KALRN: variants seen among roughly 807,000 people sequenced by gnomAD.
KALRN encodes kalirin RhoGEF kinase.
A neutral mutation model predicts 353.7 loss-of-function variants in KALRN; 70 were observed. The ratio of observed to expected loss-of-function variants is 0.20; its 90% CI spans 0.16 to 0.24. KALRN has a LOEUF of 0.24. KALRN is among the 10% of genes least tolerant of loss of function. The pLI is 1.00. For missense variants in KALRN, 2,791 were observed against 3,756.7 expected, an observed-to-expected ratio of 0.74 and a Z score of 6.72; for synonymous variants, 1,391 against 1,434.8, an observed-to-expected ratio of 0.97 and a Z score of 0.69.
chr3:124,036,240 C>T (rs149982468), intron 1 of KALRN, among the ~76,000 whole-genome samples: 61 of 152,120 alleles, frequency 4.0e-4, no homozygotes, highest in African/African-American at 1.2e-3. Context: ...AAGTAGGCTC[C>T]GGTGTTTGTT....
chr3:124,457,195 G>T (rs1051334111), intron 23 of KALRN, among the ~76,000 whole-genome samples: 1 of 151,824 alleles, frequency 6.6e-6, no homozygotes, highest in Non-Finnish European at 1.5e-5. Flanking sequence ...TCAGCCTCCC[G>T]AGTAGCTGGG....
At chr3:124,184,526 A>G (rs2073985301) in intron 1 of KALRN, among the ~76,000 whole-genome samples, 1 of 152,120 alleles carries the variant, frequency 6.6e-6, no homozygotes, top group Admixed American at 6.5e-5. Context: ...AGCAATGCCT[A>G]CAACCTCTCC....
chr3:124,227,162 T>A (rs1176874628), intron 1 of KALRN, among the ~76,000 whole-genome samples: 1 of 152,174 alleles, frequency 6.6e-6, no homozygotes, highest in African/African-American at 2.4e-5. Context: ...TCCAGGCACA[T>A]CTTTAGTTTC....
chr3:124,254,736 G>A (rs1444551430), intron 3 of KALRN, among the ~76,000 whole-genome samples: 1 of 152,088 alleles, frequency 6.6e-6, no homozygotes, highest in Non-Finnish European at 1.5e-5. Context: ...CAGTAGTTTG[G>A]CTCTCATTGT....
In KALRN at chr3:124,658,414, T is replaced by G. The variant is rs766946269; in HGVS notation, c.6037-17T>G. On this transcript the variant is annotated splice_polypyrimidine_tract_variant and intron_variant, in intron 41 of 59. Transcript: ENST00000682506. ...CAAGATGCCTGACTGTCCACATGTC[T>G]CTCTCTGCTCTTTCAGGAGCGGAAG... 6.3e-7 allele frequency: 1 copy of G among 1,593,570 alleles called. No homozygotes were observed. Among genetic ancestry groups the G allele is most frequent in the Non-Finnish European group, 8.6e-7 (1 of 1,161,262 alleles).
intron 34 of KALRN, among the ~76,000 whole-genome samples, chr3:124,577,143 C>T (rs2074190485): frequency 6.6e-6 from 1 of 151,882 alleles, no homozygotes; most frequent in Non-Finnish European, 1.5e-5. Context: ...TGTGTCCTCT[C>T]AGTATGGCCT....
intron 1 of KALRN, among the ~76,000 whole-genome samples, chr3:124,220,472 T>A (rs2077771251): frequency 1.3e-5 from 2 of 152,172 alleles, no homozygotes; most frequent in South Asian, 4.2e-4. Context: ...TTATGTTTTC[T>A]CCCACTCTTG....
intron 26 of KALRN, 79 bp from the exon 27 acceptor site, chr3:124,477,166 C>G: frequency 9.9e-7 from 1 of 1,015,030 alleles, no homozygotes; most frequent in South Asian, 1.4e-5. Context: ...CTGTACAGCC[C>G]TTGCTGGGTC....
In KALRN at chr3:124,592,309, C is replaced by CA. The variant is rs10575664; in HGVS notation, c.5182+29240dup. Among the ~76,000 whole-genome samples, 834 of 120,608 alleles carry CA rather than the reference C, an allele frequency of 6.9e-3. 14 individuals are homozygous for CA. The highest frequency in any genetic ancestry group is 0.024 in the Admixed American group (268 of 11,372). The allele number at this position is 120,608 out of a possible 152,430, so 79.1% of individuals were successfully genotyped here. On this transcript the variant is annotated intron_variant, in intron 34 of 59. Transcript: ENST00000682506. ...AGAGCAAGACTCCGTCTCAAAGAAA[C>CA]AAAAAAAAAAAAAAAAAAAAGAAAA...
At chr3:124,536,196 C>CTTTTTTT (rs34435871) in intron 33 of KALRN, among the ~76,000 whole-genome samples, 11 of 99,146 alleles carry the variant, frequency 1.1e-4, no homozygotes, top group African/African-American at 3.0e-4. Flanking sequence ...CATCCATACT[C>CTTTTTTT]TTTTTTTTTT....
At chr3:124,546,510 T>C (rs1330383917) in intron 33 of KALRN, among the ~76,000 whole-genome samples, 1 of 152,034 alleles carries the variant, frequency 6.6e-6, no homozygotes, top group African/African-American at 2.4e-5. Context: ...CAGACAGTGG[T>C]GATTTTAACA....
rs561305490 is a variant in KALRN, at chr3:124,691,239, A to C, written c.7378-2565A>C. On this transcript the variant is annotated intron_variant, in intron 51 of 59. Transcript: ENST00000682506. Reference sequence around the variant, plus strand: ...AGGTCAGGAGTTCAAGACCAGCCTGACCAACGTGGCGAGACCCCGTCTCTA... The same window carrying C: ...AGGTCAGGAGTTCAAGACCAGCCTGCCCAACGTGGCGAGACCCCGTCTCTA... Among the ~76,000 whole-genome samples, 27 of 151,872 alleles carry C rather than the reference A, an allele frequency of 1.8e-4. No homozygotes were observed. The East Asian group carries it at 5.2e-3, about 29-fold the overall frequency.
At chr3:124,384,812 A>G (rs2087956635) in intron 10 of KALRN, 33 bp from the exon 11 acceptor site, 3 of 1,546,444 alleles carry the variant, frequency 1.9e-6, no homozygotes, top group Middle Eastern at 1.8e-4. Flanking sequence ...GCGCGACTGC[A>G]ACTTGACTTT....
At chr3:124,459,054 A>G (rs1163980861) in intron 23 of KALRN, among the ~76,000 whole-genome samples, 1 of 152,236 alleles carries the variant, frequency 6.6e-6, no homozygotes, top group Non-Finnish European at 1.5e-5. Context: ...TGTAACATCA[A>G]TTTCTTTACT....
chr3:124,628,540 T>C (rs1292398585), intron 34 of KALRN, among the ~76,000 whole-genome samples: 2 of 102,052 alleles, frequency 2.0e-5, no homozygotes, highest in Non-Finnish European at 4.2e-5. Context: ...TTCCTTCCTT[T>C]CTTTCCTTTT....
intron 5 of KALRN, among the ~76,000 whole-genome samples, chr3:124,281,243 A>C (rs575340572): frequency 6.6e-6 from 1 of 152,278 alleles, no homozygotes; most frequent in South Asian, 2.1e-4. Flanking sequence ...ATGTCCTGCT[A>C]TAGGAACAAC....
intron 1 of KALRN, among the ~76,000 whole-genome samples, chr3:124,095,434 A>G (rs2061383305): frequency 6.6e-6 from 1 of 152,194 alleles, no homozygotes; most frequent in African/African-American, 2.4e-5. Flanking sequence ...TAATTCATAC[A>G]TGTAAAATAT....
chr3:124,549,819 A>G (rs9845666), intron 33 of KALRN, among the ~76,000 whole-genome samples: 17,985 of 152,052 alleles, frequency 0.12, 1,712 homozygotes, highest in African/African-American at 0.26. Flanking sequence ...AAGGGAAACA[A>G]TTGAGATGGA....
chr3:124,632,302 G>T, intron 34 of KALRN, 118 bp from the exon 35 acceptor site: 1 of 952,218 alleles, frequency 1.1e-6, no homozygotes, highest in Non-Finnish European at 1.6e-6. Context: ...GGGGTCTACA[G>T]CTGGCCTGGA....
Sources: gnomAD v4.1 joint callset for allele counts (sites outside exome capture counted in the v4.1 genomes callset) on GRCh38, gnomAD v4.1.1 for gene constraint, MANE v1.5 for transcripts, NCBI Gene and HGNC (gene_info 2026-07-23, HGNC 2026-07-21) for gene names.